Variants in BCAS3 observed in about 807,000 individuals in gnomAD.
BCAS3 encodes the protein BCAS3 microtubule associated cell migration factor.
Under a neutral mutation model 116.1 loss-of-function variants are expected in BCAS3, and 53 were observed. The ratio of observed to expected loss-of-function variants is 0.46; its 90% CI spans 0.37 to 0.57. The LOEUF is 0.57. Among genes scored for constraint, BCAS3 ranks in the 20% least tolerant of loss-of-function variants. The pLI is 0.00. For synonymous variants in BCAS3, 391 were observed against 408.2 expected, an observed-to-expected ratio of 0.96 and a Z score of 0.51; for missense variants, 917 against 1,165.4, an observed-to-expected ratio of 0.79 and a Z score of 3.10.
At chr17:61,329,345 T>TATTA (rs57523014) in intron 22 of BCAS3, among the ~76,000 whole-genome samples, 6 of 139,196 alleles carry the variant, frequency 4.3e-5, no homozygotes, top group South Asian at 2.2e-4. Context: ...TTATTATTAT[T>TATTA]TTTTTTTTTT....
At chr17:61,338,176 T>C (rs2056868684) in intron 22 of BCAS3, among the ~76,000 whole-genome samples, 1 of 152,254 alleles carries the variant, frequency 6.6e-6, no homozygotes, top group Non-Finnish European at 1.5e-5. Context: ...GTGGCCAGTC[T>C]CTGGCGGGGG....
chr17:61,087,390 T>C lies in BCAS3; in HGVS notation c.2425+2826T>C, dbSNP rs980683434. On this transcript the variant is annotated intron_variant, in intron 22 of 23. Coordinates refer to ENST00000407086, the MANE Select transcript of BCAS3 (RefSeq NM_017679.5). The surrounding 1 kb of genome is among the most constrained non-coding windows in gnomAD (Gnocchi z 4.6). Reference sequence around the variant, plus strand: ...GTGACAGCTCTTGCTCTGTCTAACCTTGTGGCAGTATAATTGTTTTTCATA... The same window carrying C: ...GTGACAGCTCTTGCTCTGTCTAACCCTGTGGCAGTATAATTGTTTTTCATA... 1 of 177,826 alleles carries C rather than the reference T, an allele frequency of 5.6e-6. No individual in the cohort carries two copies. Among genetic ancestry groups the C allele is most frequent in the Non-Finnish European group, 1.1e-5 (1 of 91,604 alleles). 11.0% of individuals were successfully genotyped at this position (177,826 alleles called of 1,614,324 possible). A position where few individuals can be genotyped will look rare whatever the true frequency, so the allele number is the denominator to read the frequency against.
At chr17:60,798,722 G>T (rs1444974937) in intron 6 of BCAS3, among the ~76,000 whole-genome samples, 2 of 152,212 alleles carry the variant, frequency 1.3e-5, no homozygotes, top group East Asian at 1.9e-4. Flanking sequence ...TTTCAGCATT[G>T]TACGGTAAGA....
At chr17:61,125,628 T>G (rs4968426) in intron 22 of BCAS3, among the ~76,000 whole-genome samples, 129,905 of 152,116 alleles carry the variant, frequency 0.85, 58,912 homozygotes, top group Non-Finnish European at 1. Flanking sequence ...TTGCAACTCT[T>G]AAGTTTTGCT....
intron 15 of BCAS3, among the ~76,000 whole-genome samples, chr17:61,000,694 C>G (rs576574297): frequency 6.6e-6 from 1 of 152,150 alleles, no homozygotes; most frequent in Admixed American, 6.5e-5. Flanking sequence ...GAGTAATTCA[C>G]TAAATAATGA....
intron 5 of BCAS3, among the ~76,000 whole-genome samples, chr17:60,720,913 A>G (rs115986700): frequency 0.031 from 4,731 of 152,252 alleles, 236 homozygotes; most frequent in African/African-American, 0.1. Context: ...GGAGCTGTGT[A>G]TATGCGGTAC....
intron 16 of BCAS3, among the ~76,000 whole-genome samples, chr17:61,018,473 T>A (rs1030249210): frequency 3.3e-5 from 5 of 152,002 alleles, no homozygotes; most frequent in African/African-American, 9.7e-5. Flanking sequence ...AGCTAATTTT[T>A]GTATTTTTAG....
At chr17:61,062,585 T>C (rs2070177582) in intron 19 of BCAS3, among the ~76,000 whole-genome samples, 2 of 152,168 alleles carry the variant, frequency 1.3e-5, no homozygotes, top group Non-Finnish European at 2.9e-5. Context: ...TAAGTAGATA[T>C]TGTGTGTGTC....
At chr17:60,871,240 C>T (rs1382523013) in intron 8 of BCAS3, among the ~76,000 whole-genome samples, 1 of 152,190 alleles carries the variant, frequency 6.6e-6, no homozygotes, top group Admixed American at 6.5e-5. Flanking sequence ...TCACGGCTCA[C>T]TGCATCCTTA....
rs941681164 is a variant in BCAS3, at chr17:61,387,081, C to A, written c.2594-4896C>A. Among the ~76,000 whole-genome samples the A allele has an allele frequency of 6.6e-6, 1 of 152,220 alleles. No homozygotes were observed. The highest frequency in any genetic ancestry group is 1.5e-5 in the Non-Finnish European group (1 of 68,034). ...AGCCACTGCACCTGGCCCGACTTCA[C>A]CTCCGACCTACTGCTGGGGCCCCTG... is the stretch of plus-strand genomic sequence containing the variant. On this transcript the variant is annotated intron_variant, in intron 23 of 23. Transcript: ENST00000407086. This position sits in a 1 kb window ranked among gnomAD's most constrained non-coding sequence, Gnocchi z 6.2.
At chr17:61,193,462 A>T (rs2080269527) in intron 22 of BCAS3, among the ~76,000 whole-genome samples, 1 of 152,108 alleles carries the variant, frequency 6.6e-6, no homozygotes, top group Admixed American at 6.5e-5. Flanking sequence ...CAGGGGATAT[A>T]AGACTGAATT....
intron 22 of BCAS3, among the ~76,000 whole-genome samples, chr17:61,297,371 A>G: frequency 6.6e-6 from 1 of 152,220 alleles, no homozygotes; most frequent in African/African-American, 2.4e-5. Context: ...AGGGAAGCCA[A>G]AGTCATACTC....
chr17:60,810,427 G>C (rs1345524716), intron 7 of BCAS3: 3 of 554,324 alleles, frequency 5.4e-6, no homozygotes, highest in East Asian at 4.0e-5. Context: ...GCAAAGCCTG[G>C]ACGATTGCCT....
Position 61,380,535 on chromosome 17 carries a change from T to G in BCAS3, c.2594-11442T>G. 1 of 1,598,318 alleles carries G rather than the reference T, an allele frequency of 6.3e-7. No homozygotes were observed. The highest frequency in any genetic ancestry group is 8.5e-7 in the Non-Finnish European group (1 of 1,179,686). ...AGCCCTTGACGTAGCAGTAAAAACC[T>G]TCCCCCCTGAGAGACACGTGGCAGT... On this transcript the variant is annotated intron_variant, in intron 23 of 23. Transcript: ENST00000407086. The surrounding 1 kb of genome is among the most constrained non-coding windows in gnomAD (Gnocchi z 4.2).
At position 61,128,996 on chromosome 17, in the gene BCAS3, G is replaced by C. The variant is rs1311683847; in HGVS notation, c.2425+44432G>C. 1.3e-5 allele frequency among the ~76,000 whole-genome samples: 2 copies of C among 152,204 alleles called. No homozygotes were observed. Among genetic ancestry groups the C allele is most frequent in the African/African-American group, 4.8e-5 (2 of 41,458 alleles). ...TTTTCTAACAGAGAGATTTAGTTTG[G>C]CAGCTGATCCAGCCAAGGAAACGCT... On this transcript the variant is annotated intron_variant, in intron 22 of 23. Coordinates refer to ENST00000407086, the MANE Select transcript of BCAS3 (RefSeq NM_017679.5). The surrounding 1 kb of genome is among the most constrained non-coding windows in gnomAD (Gnocchi z 4.1).
Position 61,200,753 on chromosome 17 carries a change from C to T in BCAS3, c.2425+116189C>T, listed in dbSNP as rs540988419. ...TGTTTCTTTGCCACACCCATAGGATCAGGTACAGTTAACCTGTTTGAGCCT... is the reference window on the plus strand; with the variant it reads ...TGTTTCTTTGCCACACCCATAGGATTAGGTACAGTTAACCTGTTTGAGCCT... On this transcript the variant is annotated intron_variant, in intron 22 of 23. Transcript: ENST00000407086. The surrounding 1 kb of genome is among the most constrained non-coding windows in gnomAD (Gnocchi z 5.1). Among the ~76,000 whole-genome samples the T allele has an allele frequency of 6.6e-6, 1 of 152,336 alleles. No homozygotes were observed. Among genetic ancestry groups the T allele is most frequent in the East Asian group, 1.9e-4 (1 of 5,188 alleles).
intron 5 of BCAS3, among the ~76,000 whole-genome samples, chr17:60,739,716 A>G (rs934968790): frequency 5.3e-5 from 8 of 152,058 alleles, no homozygotes; most frequent in Non-Finnish European, 8.8e-5. Context: ...TCTGACCTAT[A>G]TTGTTACCTT....
intron 22 of BCAS3, among the ~76,000 whole-genome samples, chr17:61,094,090 T>C (rs2073809171): frequency 1.3e-5 from 2 of 152,254 alleles, no homozygotes; most frequent in African/African-American, 2.4e-5. Context: ...ACTGGTGGCC[T>C]GTTATCATAG....
chr17:61,202,929 C>T (rs1020404378), intron 22 of BCAS3, among the ~76,000 whole-genome samples: 5 of 152,156 alleles, frequency 3.3e-5, no homozygotes, highest in African/African-American at 1.2e-4. Flanking sequence ...AATCAAGGTA[C>T]TGAATTTTTT....
Sources: allele counts gnomAD v4.1 joint callset (sites outside exome capture counted in the v4.1 genomes callset), GRCh38; gene constraint gnomAD v4.1.1; non-coding constraint Gnocchi (gnomAD v3.1); transcripts MANE v1.5; gene names NCBI Gene and HGNC (gene_info 2026-07-23, HGNC 2026-07-21).